The following RASAL2 variants were observed in gnomAD, a reference collection of about 807,000 sequenced individuals.
The protein encoded by RASAL2 is RAS protein activator like 2.
Under a neutral mutation model 128.9 loss-of-function variants are expected in RASAL2, and 58 were observed. The observed-to-expected ratio is 0.45, with a 90% CI of 0.36 to 0.56. The LOEUF is 0.56. Ranked by LOEUF, RASAL2 falls within the 20% of genes least tolerant of loss-of-function variation. The probability of loss-of-function intolerance (pLI) is 0.00; values close to 1 mark genes in which losing one functional copy is unlikely to be tolerated. For missense variants in RASAL2, 1,360 were observed against 1,601.6 expected, an observed-to-expected ratio of 0.85 and a Z score of 2.57; for synonymous variants, 561 against 580.8, an observed-to-expected ratio of 0.97 and a Z score of 0.49.
At chr1:178,379,653 A>G (rs1672174266) in intron 3 of RASAL2, among the ~76,000 whole-genome samples, 1 of 152,316 alleles carries the variant, frequency 6.6e-6, no homozygotes, top group Admixed American at 6.5e-5. Context: ...CAGTATGGCT[A>G]TTGAATCCAT....
At chr1:178,260,768 T>A (rs1336066666) in intron 1 of RASAL2, among the ~76,000 whole-genome samples, 1 of 152,120 alleles carries the variant, frequency 6.6e-6, no homozygotes, top group Admixed American at 6.5e-5. Flanking sequence ...TGAAACCTAC[T>A]GACTGATGCT....
intron 1 of RASAL2, among the ~76,000 whole-genome samples, chr1:178,136,756 C>CAAAAAAAAAAAAAAAAAAAAAAAA (rs397982072): frequency 2.1e-5 from 1 of 47,200 alleles, no homozygotes; most frequent in African/African-American, 1.0e-4. Context: ...GACTCTGTCT[C>CAAAAAAAAAAAAAAAAAAAAAAAA]AAAAAAAAAA....
chr1:178,445,390 C>T (rs2102858614), intron 8 of RASAL2, 128 bp from the exon 9 acceptor site: 3 of 1,111,996 alleles, frequency 2.7e-6, no homozygotes, highest in African/African-American at 1.6e-5. Flanking sequence ...GCTTTTTTTC[C>T]TTTCAGATGA....
At chr1:178,225,675 G>A (rs1402064990) in intron 1 of RASAL2, among the ~76,000 whole-genome samples, 5 of 151,388 alleles carry the variant, frequency 3.3e-5, no homozygotes, top group African/African-American at 1.2e-4. Context: ...GTTTCTTTTT[G>A]TATGTATATA....
chr1:178,233,577 G>T (rs1415961989), intron 1 of RASAL2, among the ~76,000 whole-genome samples: 2 of 152,200 alleles, frequency 1.3e-5, no homozygotes, highest in Non-Finnish European at 1.5e-5. Context: ...ACAACAAAAG[G>T]TCATCCTGCC....
chr1:178,361,552 C>T (rs1433471809), intron 3 of RASAL2, among the ~76,000 whole-genome samples: 1 of 151,824 alleles, frequency 6.6e-6, no homozygotes, highest in Non-Finnish European at 1.5e-5. Flanking sequence ...TTCAACCAAC[C>T]ATGGATCAAA....
At chr1:178,321,131 T>C (rs554187183) in intron 3 of RASAL2, among the ~76,000 whole-genome samples, 1 of 152,224 alleles carries the variant, frequency 6.6e-6, no homozygotes, top group Non-Finnish European at 1.5e-5. Flanking sequence ...TCACCCAGGC[T>C]GGAGTGCAGT....
chr1:178,212,456 C>T (rs755473561), intron 1 of RASAL2, among the ~76,000 whole-genome samples: 18 of 152,228 alleles, frequency 1.2e-4, no homozygotes, highest in South Asian at 4.1e-4. Context: ...TAATAAACAA[C>T]GCGAAGGAAG....
intron 3 of RASAL2, among the ~76,000 whole-genome samples, chr1:178,319,289 G>T (rs1322862302): frequency 1.3e-5 from 2 of 151,814 alleles, no homozygotes; most frequent in Non-Finnish European, 2.9e-5. Flanking sequence ...TGCTCTTCTC[G>T]AGGAGTATCT....
intron 16 of RASAL2, among the ~76,000 whole-genome samples, chr1:178,466,744 G>C (rs978863532): frequency 5.3e-5 from 8 of 152,220 alleles, no homozygotes; most frequent in Admixed American, 3.9e-4. Context: ...CCGGACTCCA[G>C]ATTCCATGCT....
At chr1:178,162,167 G>A (rs1034501538) in intron 1 of RASAL2, among the ~76,000 whole-genome samples, 14 of 147,776 alleles carry the variant, frequency 9.5e-5, no homozygotes, top group South Asian at 2.1e-4. Context: ...GGGTTTCACC[G>A]TGTTAGCCAG....
chr1:178,157,868 A>T (rs571271767), intron 1 of RASAL2, among the ~76,000 whole-genome samples: 1 of 152,214 alleles, frequency 6.6e-6, no homozygotes, highest in Non-Finnish European at 1.5e-5. Context: ...TAAAGGAGTT[A>T]CCATAAAAAT....
At chr1:178,238,199 T>G (rs1304966099) in intron 1 of RASAL2, among the ~76,000 whole-genome samples, 1 of 152,218 alleles carries the variant, frequency 6.6e-6, no homozygotes, top group Admixed American at 6.5e-5. Flanking sequence ...TGTGTCTAGC[T>G]TCTTTTACTT....
intron 3 of RASAL2, among the ~76,000 whole-genome samples, chr1:178,330,937 G>C (rs1281339905): frequency 6.6e-6 from 1 of 152,126 alleles, no homozygotes; most frequent in African/African-American, 2.4e-5. Context: ...GCCAAGTACT[G>C]TTCTAAGCAC....
At chr1:178,405,364 C>T (rs1329653941) in intron 4 of RASAL2, among the ~76,000 whole-genome samples, 1 of 152,216 alleles carries the variant, frequency 6.6e-6, no homozygotes, top group Non-Finnish European at 1.5e-5. Context: ...TCCCCCATCT[C>T]CCAAGATGTC....
At chr1:178,423,370 C>A (rs560533018) in intron 5 of RASAL2, among the ~76,000 whole-genome samples, 5 of 152,206 alleles carry the variant, frequency 3.3e-5, no homozygotes, top group Admixed American at 2.0e-4. Flanking sequence ...AAGGACCTTT[C>A]CCACCAACAA....
intron 3 of RASAL2, among the ~76,000 whole-genome samples, chr1:178,383,039 C>T (rs1372832790): frequency 1.3e-5 from 2 of 152,020 alleles, no homozygotes; most frequent in Non-Finnish European, 2.9e-5. Flanking sequence ...ATTCAGATTC[C>T]TTGGCTGGGG....
intron 3 of RASAL2, among the ~76,000 whole-genome samples, chr1:178,356,102 A>T (rs954174688): frequency 2.8e-5 from 4 of 145,018 alleles, no homozygotes; most frequent in Admixed American, 7.1e-5. Context: ...CGGGAGGCAG[A>T]GGCTGCAGTG....
chr1:178,331,778 G>A (rs895191973), intron 3 of RASAL2, among the ~76,000 whole-genome samples: 2 of 151,722 alleles, frequency 1.3e-5, no homozygotes, highest in Non-Finnish European at 2.9e-5. Flanking sequence ...TAGTAAAGAC[G>A]GGGTTTCACT....
Sources: allele counts gnomAD v4.1 joint callset (sites outside exome capture counted in the v4.1 genomes callset), GRCh38; gene constraint gnomAD v4.1.1; transcripts MANE v1.5; gene names NCBI Gene and HGNC (gene_info 2026-07-23, HGNC 2026-07-21).